Variants in CEACAM6 observed in about 807,000 individuals in gnomAD.
CEACAM6 encodes CEA cell adhesion molecule 6, also known as cell adhesion molecule CEACAM6.
In CEACAM6, 21 loss-of-function variants were observed where a neutral mutation model predicts 32.4. The ratio of observed to expected loss-of-function variants is 0.65; its 90% confidence interval spans 0.46 to 0.93. The LOEUF (loss-of-function observed/expected upper bound fraction) is 0.93. Ranked by LOEUF, CEACAM6 falls within the 40% of genes least tolerant of loss-of-function variation. CEACAM6 has a pLI of 0.00. For missense variants in CEACAM6, 406 were observed against 432.2 expected (o/e 0.94, Z 0.54); for synonymous variants, 184 against 174.4 (o/e 1.06, Z -0.43).
chr19:41,763,093 C>T (rs2072936619), intron 4 of CEACAM6, among the ~76,000 whole-genome samples: 1 of 152,168 alleles, frequency 6.6e-6, no homozygotes, highest in Admixed American at 6.5e-5. Flanking sequence ...GATAAGACTA[C>T]CAGCCACTAT....
intron 4 of CEACAM6, 133 bp downstream of exon 4, chr19:41,762,356 C>G: frequency 3.0e-6 from 3 of 996,848 alleles, no homozygotes; most frequent in Non-Finnish European, 1.5e-6. Context: ...TCCCCTGAAC[C>G]CTCCCAATTC....
Position 41,762,025 on chromosome 19 carries a change from A to C in CEACAM6, c.760A>C (p.Asn254His), listed in dbSNP as rs782273834. The change falls in exon 4 of 6, where the codon AAT (asparagine) becomes CAT (histidine). Residue 254 changes from asparagine to histidine, a missense_variant. Coordinates refer to ENST00000199764, the MANE Select transcript of CEACAM6 (RefSeq NM_002483.7). ...AAAGGCCAATTACCGTCCAGGGGAA[A>C]ATCTGAACCTCTCCTGCCACGCAGC... Reference protein sequence around the residue: ...PSKANYRPGENLNLSCHAASN... With the variant: ...PSKANYRPGEHLNLSCHAASN... 6.2e-7 allele frequency: 1 copy of C among 1,614,156 alleles called. No homozygotes were observed. The highest frequency in any genetic ancestry group is 8.5e-7 in the Non-Finnish European group (1 of 1,180,010).
Position 41,771,386 on chromosome 19 carries a change from A to G in CEACAM6, c.*625A>G, listed in dbSNP as rs965879365. On this transcript the variant is annotated 3_prime_UTR_variant, in exon 6 of 6. Transcript: ENST00000199764. ...ATTCAACCCAGCCATGCAATGCCAA[A>G]TAATAGAATTGCTCCCTACCAGCTG... 1.3e-5 allele frequency: 2 copies of G among 152,212 alleles called. No individual in the cohort carries two copies. Among genetic ancestry groups the G allele is most frequent in the East Asian group, 3.9e-4 (2 of 5,194 alleles). The allele number at this position is 152,212 out of a possible 1,614,324, so 9.4% of individuals were successfully genotyped here.
chr19:41,756,846 A>G lies in CEACAM6; in HGVS notation c.311A>G (p.Asn104Ser), dbSNP rs371116320. The part of the protein sequence containing the change: ...AYSGRETIYP[N>S]ASLLIQNVTQ... ...AGTGGTCGAGAGACAATATACCCCA[A>G]TGCATCCCTGCTGATCCAGAACGTC... is the stretch of plus-strand genomic sequence containing the variant. The change falls in exon 2 of 6, where the codon AAT becomes AGT. Residue 104 changes from asparagine (N) to serine (S), a missense_variant. Coordinates refer to ENST00000199764, the MANE Select transcript of CEACAM6 (RefSeq NM_002483.7). 6 of 1,613,964 alleles carry G rather than the reference A, an allele frequency of 3.7e-6. No homozygotes were observed. Among genetic ancestry groups the G allele is most frequent in the African/African-American group, 2.7e-5 (2 of 74,874 alleles).
rs192528624 is a variant in CEACAM6, at chr19:41,762,330, C to G, written c.958+107C>G. ...TCCCAACCTGTGTCCAAGGGGCACA[C>G]GCAAATCCCAAATTCTCCCCTGAAC... On this transcript the variant is annotated intron_variant, in intron 4 of 5. Transcript: ENST00000199764. 9 of 1,296,132 alleles carry G rather than the reference C, an allele frequency of 6.9e-6. No homozygotes were observed. In the African/African-American group the frequency reaches 1.0e-4, roughly 15 times the overall value. 80.3% of individuals were successfully genotyped at this position (1,296,132 alleles called of 1,614,324 possible).
chr19:41,756,187 C>T (rs2072883996), intron 1 of CEACAM6, among the ~76,000 whole-genome samples: 1 of 152,118 alleles, frequency 6.6e-6, no homozygotes, highest in South Asian at 2.1e-4. Flanking sequence ...AACACACACA[C>T]AAAGAGATAT....
intron 4 of CEACAM6, among the ~76,000 whole-genome samples, chr19:41,762,801 A>C (rs568380522): frequency 6.6e-6 from 1 of 152,320 alleles, no homozygotes; most frequent in South Asian, 2.1e-4. Context: ...GAAGGTGCCC[A>C]GGTGTCTGTC....
In CEACAM6 at chr19:41,767,185, T is replaced by C. The variant is rs113590794; in HGVS notation, c.*40+886T>C. Among the ~76,000 whole-genome samples, 122 of 152,186 alleles carry C rather than the reference T, an allele frequency of 8.0e-4. 2 individuals carry two copies. Among genetic ancestry groups the C allele is most frequent in the African/African-American group, 2.8e-3 (116 of 41,526 alleles). On this transcript the variant is annotated intron_variant, in intron 5 of 5. Transcript: ENST00000199764. The stretch of plus-strand genomic sequence containing the variant: ...CCTGCCCCTTTACCCCGGATGCACA[T>C]AGAATTCTTAGTTTCAATGTTACAC...
chr19:41,755,542 A>G lies in CEACAM6; in HGVS notation c.-97A>G. The G allele has an allele frequency of 2.6e-6, 3 of 1,153,626 alleles. No individual in the cohort carries two copies. Among genetic ancestry groups the G allele is most frequent in the Non-Finnish European group, 3.9e-6 (3 of 775,848 alleles). 71.5% of individuals were successfully genotyped at this position (1,153,626 alleles called of 1,614,324 possible). ...GAGGAGGCTCAGCACAGAAGGAGGA[A>G]GGACAGCAGGGCCAACAGTCACAGC... On this transcript the variant is annotated 5_prime_UTR_variant, in exon 1 of 6. Coordinates refer to ENST00000199764, the MANE Select transcript of CEACAM6 (RefSeq NM_002483.7).
At position 41,761,153 on chromosome 19, in the gene CEACAM6, G is replaced by C. The variant is rs1383464283; in HGVS notation, c.425-96G>C. On this transcript the variant is annotated intron_variant, in intron 2 of 5. Transcript: ENST00000199764. ...CCAGGGGCTTTTAAGGACTCAAGGG[G>C]GCTGAGAGGTGAGAGATGCCAACTC... 12 of 1,587,506 alleles carry C rather than the reference G, an allele frequency of 7.6e-6. No homozygotes were observed. In the African/African-American group the frequency reaches 1.5e-4, roughly 20 times the overall value.
At chr19:41,759,056 G>A (rs1315172254) in intron 2 of CEACAM6, among the ~76,000 whole-genome samples, 2 of 152,230 alleles carry the variant, frequency 1.3e-5, no homozygotes, top group Non-Finnish European at 2.9e-5. Flanking sequence ...TGACAGGTCT[G>A]CTTTCCCCAA....
At chr19:41,766,110 G>T (rs377019907) in intron 4 of CEACAM6, 73 bp from the exon 5 acceptor site, 3 of 1,043,906 alleles carry the variant, frequency 2.9e-6, no homozygotes, top group South Asian at 1.6e-5. Context: ...CCTACTTCAT[G>T]TTGACAGCTA....
chr19:41,760,320 G>A (rs932344732), intron 2 of CEACAM6, among the ~76,000 whole-genome samples: 10 of 152,166 alleles, frequency 6.6e-5, no homozygotes, highest in African/African-American at 2.2e-4. Context: ...GAAAATATTT[G>A]CAAAACTTCT....
intron 4 of CEACAM6, among the ~76,000 whole-genome samples, chr19:41,762,718 T>C (rs1300174967): frequency 1.3e-5 from 2 of 152,196 alleles, no homozygotes; most frequent in African/African-American, 4.8e-5. Context: ...TGCCCCCATC[T>C]CTGCTCCCAG....
Position 41,755,559 on chromosome 19 carries a change from A to C in CEACAM6, c.-80A>C. On this transcript the variant is annotated 5_prime_UTR_variant, in exon 1 of 6. Coordinates refer to ENST00000199764, the MANE Select transcript of CEACAM6 (RefSeq NM_002483.7). The stretch of plus-strand genomic sequence containing the variant: ...AAGGAGGAAGGACAGCAGGGCCAAC[A>C]GTCACAGCAGCCCTGACCAGAGCAT... 7.5e-7 allele frequency: 1 copy of C among 1,342,186 alleles called. No individual in the cohort carries two copies. Among genetic ancestry groups the C allele is most frequent in the Non-Finnish European group, 1.1e-6 (1 of 939,218 alleles). The allele number at this position is 1,342,186 out of a possible 1,614,324, so 83.1% of individuals were successfully genotyped here.
rs1555822378 is a variant in CEACAM6 at position 41,766,197 on chromosome 19, C to T, written c.973C>T (p.Leu325Phe). The change falls in exon 5 of 6, where the codon CTC becomes TTC. Residue 325 changes from leucine to phenylalanine, a missense_variant. Physicochemically the swap from Leu to Phe is conservative, Grantham distance 22. Transcript: ENST00000199764. ...CTTCCCACAAGGAAGTGCTCCTGTC[C>T]TCTCAGCTGTGGCCACCGTCGGCAT... ...MITVSGSAPV[L>F]SAVATVGITI... 4 of 1,607,644 alleles carry T rather than the reference C, an allele frequency of 2.5e-6. No individual in the cohort carries two copies. The highest frequency in any genetic ancestry group is 2.2e-5 in the South Asian group (2 of 89,768).
Position 41,772,084 on chromosome 19 carries a change from T to C in CEACAM6, c.*1323T>C, listed in dbSNP as rs2072997870. On this transcript the variant is annotated 3_prime_UTR_variant, in exon 6 of 6. Coordinates refer to ENST00000199764, the MANE Select transcript of CEACAM6 (RefSeq NM_002483.7). ...ATTTATTTCTGTGGTTCTGTTTCCT[T>C]GTTCCAATTTGACAAAACCCACTGT... 1 of 152,242 alleles carries C rather than the reference T, an allele frequency of 6.6e-6. No homozygotes were observed. Among genetic ancestry groups the C allele is most frequent in the South Asian group, 2.1e-4 (1 of 4,828 alleles). The allele number at this position is 152,242 out of a possible 1,614,324, so 9.4% of individuals were successfully genotyped here. A position where few individuals can be genotyped will look rare whatever the true frequency, so the allele number is the denominator to read the frequency against.
chr19:41,759,455 C>T (rs975889427), intron 2 of CEACAM6, among the ~76,000 whole-genome samples: 12 of 152,202 alleles, frequency 7.9e-5, no homozygotes, highest in Non-Finnish European at 1.8e-4. Context: ...ACTAACATAA[C>T]ACACGTTGCT....
chr19:41,758,509 C>T (rs1376445111), intron 2 of CEACAM6, among the ~76,000 whole-genome samples: 2 of 152,140 alleles, frequency 1.3e-5, no homozygotes, highest in Admixed American at 1.3e-4. Flanking sequence ...GTCCCTAAAC[C>T]TACCCCATCT....
Sources: allele counts gnomAD v4.1 joint callset (sites outside exome capture counted in the v4.1 genomes callset), GRCh38; gene constraint gnomAD v4.1.1; transcripts MANE v1.5; gene names NCBI Gene and HGNC (gene_info 2026-07-23, HGNC 2026-07-21).